CHL1: variants seen among roughly 807,000 people sequenced by gnomAD.
The protein encoded by CHL1 is neural cell adhesion molecule L1-like protein.
CHL1 carries 96 observed loss-of-function variants against 141.9 expected under a neutral mutation model. The observed-to-expected ratio is 0.68, with a 90% CI of 0.57 to 0.80. CHL1 has a LOEUF of 0.80. CHL1 is among the 30% of genes least tolerant of loss of function. CHL1 has a pLI of 0.00. For missense variants in CHL1, 1,820 were observed against 1,457.2 expected, an observed-to-expected ratio of 1.25 and a Z score of -4.05; for synonymous variants, 613 against 502.2, an observed-to-expected ratio of 1.22 and a Z score of -2.95.
At chr3:307,057 A>T (rs1699300247) in intron 2 of CHL1, among the ~76,000 whole-genome samples, 1 of 152,192 alleles carries the variant, frequency 6.6e-6, no homozygotes. Context: ...ATGATTCCAT[A>T]TAGAAAGTTT....
intron 1 of CHL1, among the ~76,000 whole-genome samples, chr3:203,893 G>A (rs1464136199): frequency 6.6e-6 from 1 of 152,206 alleles, no homozygotes; most frequent in African/African-American, 2.4e-5. Flanking sequence ...AAGTACGTGA[G>A]GAATACCTAG....
chr3:371,625 T>G (rs1705647455), intron 15 of CHL1, among the ~76,000 whole-genome samples: 1 of 152,230 alleles, frequency 6.6e-6, no homozygotes, highest in Non-Finnish European at 1.5e-5. Context: ...AGTATTGTTA[T>G]GTGTGAATTT....
chr3:362,506 G>A (rs949287268), intron 13 of CHL1, among the ~76,000 whole-genome samples: 10 of 151,854 alleles, frequency 6.6e-5, no homozygotes, highest in African/African-American at 2.4e-4. Flanking sequence ...TATTTACCTT[G>A]CTTACTGAGA....
intron 11 of CHL1, among the ~76,000 whole-genome samples, chr3:357,187 T>C (rs1357131392): frequency 1.3e-5 from 2 of 152,240 alleles, no homozygotes; most frequent in East Asian, 3.9e-4. Context: ...CTCGGTGTTC[T>C]GTTCACAGCT....
intron 11 of CHL1, among the ~76,000 whole-genome samples, chr3:359,054 G>C (rs1377424089): frequency 6.8e-6 from 1 of 147,924 alleles, no homozygotes; most frequent in Admixed American, 6.8e-5. Flanking sequence ...TATAGATATA[G>C]ATAAAGATAT....
intron 12 of CHL1, 86 bp downstream of exon 12, chr3:360,510 C>T (rs915678960): frequency 1.4e-5 from 18 of 1,315,228 alleles, no homozygotes; most frequent in Non-Finnish European, 1.8e-5. Context: ...TAACTCTTGA[C>T]ACATAATATA....
At chr3:277,515 C>G (rs1696252892) in intron 2 of CHL1, among the ~76,000 whole-genome samples, 1 of 152,178 alleles carries the variant, frequency 6.6e-6, no homozygotes, top group African/African-American at 2.4e-5. Context: ...CTACCACATT[C>G]ATTTCCATGT....
chr3:363,432 T>C, intron 14 of CHL1, 49 bp downstream of exon 14: 1 of 1,514,790 alleles, frequency 6.6e-7, no homozygotes, highest in Non-Finnish European at 9.0e-7. Flanking sequence ...ATGGGTTCAG[T>C]CTGTCTTCAT....
intron 2 of CHL1, among the ~76,000 whole-genome samples, chr3:269,269 C>A (rs919062898): frequency 1.3e-5 from 2 of 152,132 alleles, no homozygotes; most frequent in African/African-American, 4.8e-5. Context: ...TAGCGCTTTT[C>A]TCATCTCAAG....
chr3:289,931 CTTTTTTTT>C (rs769872997), intron 2 of CHL1, among the ~76,000 whole-genome samples: 1 of 102,780 alleles, frequency 9.7e-6, no homozygotes, highest in African/African-American at 3.9e-5. Flanking sequence ...CCACTGGTAT[CTTTTTTTT>C]TTTTTTTTTT....
At chr3:270,634 T>TAATTTATTTTGC (rs1695557049) in intron 2 of CHL1, among the ~76,000 whole-genome samples, 2 of 152,236 alleles carry the variant, frequency 1.3e-5, no homozygotes, top group African/African-American at 2.4e-5. Flanking sequence ...CAAAATTTGG[T>TAATTTATTTTGC]GGCCAAAAAC....
rs1695429419 is a variant in CHL1 at position 269,274 on chromosome 3, CTCAAG to C, written c.-95+24589_-95+24593del. Among the ~76,000 whole-genome samples the C allele has an allele frequency of 3.9e-5, 6 of 152,268 alleles. No homozygotes were observed. The South Asian group carries it at 1.2e-3, about 32-fold the overall frequency. On this transcript the variant is annotated intron_variant, in intron 2 of 27. Transcript: ENST00000256509. ...ATTCCTTCTATAGCGCTTTTCTCAT[CTCAAG>C]TCAAGTGAAGGGCTCCAACTTAATC...
chr3:334,704 CT>C (rs1701723083), intron 5 of CHL1, among the ~76,000 whole-genome samples: 1 of 152,100 alleles, frequency 6.6e-6, no homozygotes, highest in South Asian at 2.1e-4. Flanking sequence ...ATTATTTCCA[CT>C]TTTGGCTATT....
At position 306,975 on chromosome 3, in the gene CHL1, T is replaced by C. The variant is rs112587854; in HGVS notation, c.-94-12708T>C. Among the ~76,000 whole-genome samples, 857 of 152,284 alleles carry C rather than the reference T, an allele frequency of 5.6e-3. 6 individuals are homozygous for C. The highest frequency in any genetic ancestry group is 0.017 in the Middle Eastern group (5 of 294). The stretch of plus-strand genomic sequence containing the variant: ...TGGAATTCGTACTTTAAATACAACC[T>C]GAGAAATGGCCTTAGGTTAAGGCTA... On this transcript the variant is annotated intron_variant, in intron 2 of 27. Transcript: ENST00000256509.
intron 2 of CHL1, 80 bp from the exon 3 acceptor site, chr3:319,591 CAAAAAAAAAAAA>C (rs35995557): frequency 9.9e-6 from 3 of 304,372 alleles, no homozygotes; most frequent in African/African-American, 2.9e-5. Flanking sequence ...ACTGCCAAAC[CAAAAAAAAAAAA>C]AAAAAAAGAA....
intron 1 of CHL1, among the ~76,000 whole-genome samples, chr3:202,652 C>G (rs759753879): frequency 6.6e-6 from 1 of 152,106 alleles, no homozygotes; most frequent in East Asian, 1.9e-4. Context: ...TTGCGTACGC[C>G]GTCCACAAGA....
chr3:296,019 G>A (rs1698156086), intron 2 of CHL1, among the ~76,000 whole-genome samples: 1 of 152,052 alleles, frequency 6.6e-6, no homozygotes, highest in South Asian at 2.1e-4. Flanking sequence ...AAATACTCCT[G>A]TAATTCCATC....
At chr3:303,032 G>A (rs893566720) in intron 2 of CHL1, among the ~76,000 whole-genome samples, 6 of 152,142 alleles carry the variant, frequency 3.9e-5, no homozygotes, top group African/African-American at 1.4e-4. Flanking sequence ...TGTCAGGTTT[G>A]TCAAAAATCA....
intron 2 of CHL1, among the ~76,000 whole-genome samples, chr3:311,940 G>A (rs144895437): frequency 8.3e-4 from 127 of 152,110 alleles, no homozygotes; most frequent in African/African-American, 2.7e-3. Flanking sequence ...ATGAATTTCC[G>A]TAATTTTCTT....
Sources: allele counts gnomAD v4.1 joint callset (sites outside exome capture counted in the v4.1 genomes callset), GRCh38; gene constraint gnomAD v4.1.1; transcripts MANE v1.5; gene names NCBI Gene and HGNC (gene_info 2026-07-23, HGNC 2026-07-21).